The following SCOC variants were observed in gnomAD, a reference collection of about 807,000 sequenced individuals.
SCOC encodes the protein short coiled-coil protein, also known as short coiled coil protein.
A neutral mutation model predicts 9.9 loss-of-function variants in SCOC; 7 were observed. That is an observed-to-expected ratio of 0.71 (90% CI 0.40 to 1.33). The LOEUF is 1.33. SCOC is among the 40% of genes most tolerant of loss of function. The pLI is 0.01. For missense variants in SCOC, 66 were observed against 89.7 expected (o/e 0.74, Z 1.07); for synonymous variants, 19 against 28.2 (o/e 0.67, Z 1.03).
upstream of SCOC, chr4:140,343,394 C>A: frequency 5.0e-6 from 2 of 397,990 alleles, no homozygotes; most frequent in Non-Finnish European, 9.2e-6. Flanking sequence ...CGTGCCAGCA[C>A]AGCAGCCTCC....
At chr4:140,373,805 G>C in intron 1 of SCOC, 88 bp downstream of exon 1, 2 of 1,383,832 alleles carry the variant, frequency 1.4e-6, no homozygotes, top group Non-Finnish European at 2.0e-6. Flanking sequence ...AGGGCGGGGC[G>C]GGCTGGACGC....
chr4:140,285,800 C>CGT (rs932205078), intron 1 of SCOC, among the ~76,000 whole-genome samples: 2 of 152,168 alleles, frequency 1.3e-5, no homozygotes, highest in Non-Finnish European at 2.9e-5. Flanking sequence ...TGGTTGGAAA[C>CGT]AGACCTGGTT....
intron 1 of SCOC, among the ~76,000 whole-genome samples, chr4:140,304,450 A>G (rs1010531666): frequency 1.3e-5 from 2 of 152,196 alleles, no homozygotes; most frequent in African/African-American, 4.8e-5. Flanking sequence ...AAAATAAAAG[A>G]CAGCAGAGTC....
chr4:140,351,097 G>A (rs1027308622), intron 2 of SCOC, among the ~76,000 whole-genome samples: 1 of 152,102 alleles, frequency 6.6e-6, no homozygotes. Context: ...GGCTGAGGCA[G>A]GGGAATCGCT....
intron 1 of SCOC, among the ~76,000 whole-genome samples, chr4:140,330,911 A>C (rs921339587): frequency 2.2e-4 from 33 of 152,354 alleles, no homozygotes; most frequent in African/African-American, 7.2e-4. Flanking sequence ...TGAAAAAAAC[A>C]GTTTTTATTG....
At position 140,351,387 on chromosome 4, in the gene SCOC, C is replaced by G. The variant is rs202204138; in HGVS notation, c.70+7679C>G. 2.0e-5 allele frequency among the ~76,000 whole-genome samples: 3 copies of G among 152,110 alleles called. No individual in the cohort carries two copies. In the East Asian group the frequency reaches 5.8e-4, roughly 30 times the overall value. On this transcript the variant is annotated intron_variant, in intron 2 of 4. Coordinates refer to the SCOC transcript ENST00000338517. ...TTCTGATGAATATAATGAAGCCACTCTTTCCCCTCTTCATGCCGGCCCTCG... is the reference window on the plus strand; with the variant it reads ...TTCTGATGAATATAATGAAGCCACTGTTTCCCCTCTTCATGCCGGCCCTCG...
chr4:140,336,166 A>C (rs1187962865), intron 1 of SCOC, among the ~76,000 whole-genome samples: 1 of 152,172 alleles, frequency 6.6e-6, no homozygotes, highest in African/African-American at 2.4e-5. Context: ...AGACAGGGAC[A>C]CCATGGATAA....
intron 2 of SCOC, among the ~76,000 whole-genome samples, chr4:140,346,785 C>T (rs538568783): frequency 6.6e-6 from 1 of 151,872 alleles, no homozygotes; most frequent in South Asian, 2.1e-4. Flanking sequence ...CTGTCCATGC[C>T]ATCTAACCAC....
intron 1 of SCOC, among the ~76,000 whole-genome samples, chr4:140,324,405 A>G (rs1732586685): frequency 6.6e-6 from 1 of 152,178 alleles, no homozygotes; most frequent in Non-Finnish European, 1.5e-5. Context: ...TGAAAGGAAA[A>G]AGATAAGCCT....
intron 1 of SCOC, among the ~76,000 whole-genome samples, chr4:140,316,756 A>C (rs1355553667): frequency 6.6e-6 from 1 of 152,202 alleles, no homozygotes; most frequent in Non-Finnish European, 1.5e-5. Flanking sequence ...AAAATTCTTC[A>C]GTTACTAAAA....
intron 1 of SCOC, among the ~76,000 whole-genome samples, chr4:140,335,355 T>A (rs950695108): frequency 7.2e-5 from 11 of 152,206 alleles, no homozygotes; most frequent in Admixed American, 2.0e-4. Flanking sequence ...GATAATGAGA[T>A]GATAGAGGTA....
At chr4:140,361,621 T>C (rs1456961479) in intron 2 of SCOC, among the ~76,000 whole-genome samples, 1 of 152,178 alleles carries the variant, frequency 6.6e-6, no homozygotes, top group Non-Finnish European at 1.5e-5. Context: ...ACTGTGCCAC[T>C]GCACTCCAGC....
intron 1 of SCOC, among the ~76,000 whole-genome samples, chr4:140,326,603 C>T (rs1179327798): frequency 1.3e-5 from 2 of 151,448 alleles, no homozygotes; most frequent in African/African-American, 4.9e-5. Context: ...TGTAGGCCCA[C>T]GCTTTACAGT....
chr4:140,351,660 C>T (rs888840268), intron 2 of SCOC, among the ~76,000 whole-genome samples: 2 of 151,946 alleles, frequency 1.3e-5, no homozygotes, highest in African/African-American at 2.4e-5. Flanking sequence ...TACCCCCTCA[C>T]GCCCTGCTGA....
intron 1 of SCOC, among the ~76,000 whole-genome samples, chr4:140,298,643 G>T (rs1266236802): frequency 3.3e-5 from 5 of 152,132 alleles, no homozygotes; most frequent in African/African-American, 1.2e-4. Flanking sequence ...CTTTCTTCCA[G>T]CTCCCTTCCT....
rs568512999 is a variant in SCOC, at chr4:140,365,991, G to GGGT, written c.71-13129_71-13127dup. Among the ~76,000 whole-genome samples, 584 of 152,216 alleles carry GGGT rather than the reference G, an allele frequency of 3.8e-3. 7 individuals carry two copies. Among genetic ancestry groups the GGGT allele is most frequent in the African/African-American group, 0.013 (553 of 41,530 alleles). ...CCACATTATTCAAGGGTCAACTGTA[G>GGGT]GGTAACATCCCAGATCCTGACAAAA... On this transcript the variant is annotated intron_variant, in intron 2 of 4. Transcript: ENST00000338517.
chr4:140,382,021 T>A lies in SCOC; in HGVS notation c.*917T>A, dbSNP rs1304358362. The A allele has an allele frequency of 6.6e-6, 1 of 152,206 alleles. No homozygotes were observed. The highest frequency in any genetic ancestry group is 2.4e-5 in the African/African-American group (1 of 41,456). 9.4% of individuals were successfully genotyped at this position (152,206 alleles called of 1,614,324 possible). ...AGTGGATTAAGTTTGACTACCCTTA[T>A]GTTAGCCACATCTGGATGAGAACAG... On this transcript the variant is annotated 3_prime_UTR_variant, in exon 4 of 4. Coordinates refer to ENST00000608372, the MANE Select transcript of SCOC (RefSeq NM_001153484.2).
rs542166017 is a variant in SCOC, at chr4:140,351,280, G to A, written c.70+7572G>A. The stretch of plus-strand genomic sequence containing the variant: ...GTGTCCTGTGGACATGGCGCTGTAA[G>A]CTGGGACTGCCTGTTGACGTCCTCC... On this transcript the variant is annotated intron_variant, in intron 2 of 4. Coordinates refer to the SCOC transcript ENST00000338517. 3.6e-4 allele frequency among the ~76,000 whole-genome samples: 55 copies of A among 152,226 alleles called. No homozygotes were observed. The South Asian group carries it at 6.6e-3, about 18-fold the overall frequency.
intron 1 of SCOC, among the ~76,000 whole-genome samples, chr4:140,276,470 TTTTG>T (rs1443217330): frequency 3.3e-5 from 5 of 151,300 alleles, no homozygotes; most frequent in African/African-American, 1.2e-4. Context: ...TGTTTGTTTG[TTTTG>T]TTTGTTTGAG....
Sources: allele counts gnomAD v4.1 joint callset (sites outside exome capture counted in the v4.1 genomes callset), GRCh38; gene constraint gnomAD v4.1.1; transcripts MANE v1.5; gene names NCBI Gene and HGNC (gene_info 2026-07-23, HGNC 2026-07-21).